The following TAP2 variants were observed in gnomAD, a reference collection of about 807,000 sequenced individuals.
The protein encoded by TAP2 is antigen peptide transporter 2.
A neutral mutation model predicts 74.7 loss-of-function variants in TAP2; 49 were observed. The observed-to-expected ratio is 0.66, with a 90% CI of 0.52 to 0.83. The LOEUF is 0.83. Ranked by LOEUF, TAP2 falls within the 40% of genes least tolerant of loss-of-function variation. TAP2 has a pLI of 0.00. For synonymous variants in TAP2, 306 were observed against 368.4 expected (o/e 0.83, Z 1.94); for missense variants, 739 against 859.0 (o/e 0.86, Z 1.75).
chr6:32,830,931 C>T (rs548762547), intron 7 of TAP2, 125 bp from the exon 8 acceptor site: 1 of 925,234 alleles, frequency 1.1e-6, no homozygotes, highest in Admixed American at 2.0e-5. Context: ...AGAGATTCTC[C>T]ACTTTTAAAT....
In TAP2 at chr6:32,828,330, G is replaced by A. The variant is rs1178467269; in HGVS notation, c.*576C>T. 6 of 985,382 alleles carry A rather than the reference G, an allele frequency of 6.1e-6. No individual in the cohort carries two copies. The highest frequency in any genetic ancestry group is 6.0e-6 in the Non-Finnish European group (5 of 830,046). 61.0% of individuals were successfully genotyped at this position (985,382 alleles called of 1,614,324 possible). ...CTGTTCTCTGTCCCTCCAGACCCTA[G>A]CTTCTTCAAAATAGCAGACACTGGT... is the stretch of plus-strand genomic sequence containing the variant. On this transcript the variant is annotated 3_prime_UTR_variant, in exon 12 of 12. Coordinates refer to ENST00000374897, the MANE Select transcript of TAP2 (RefSeq NM_001290043.2).
intron 11 of TAP2, 31 bp from the exon 12 acceptor site, chr6:32,829,065 A>C (rs756769845): frequency 6.5e-7 from 1 of 1,532,888 alleles, no homozygotes; most frequent in South Asian, 1.2e-5. Flanking sequence ...CCTCAGAAAG[A>C]CAGGAATGAG....
At chr6:32,822,420 A>G (rs1476649438), downstream of TAP2, 4 of 758,508 alleles carry the variant, frequency 5.3e-6, no homozygotes, top group Non-Finnish European at 8.6e-6. Context: ...TTGTGTCAGT[A>G]TAATAAGTAA....
In TAP2 at chr6:32,835,579, G is replaced by A. The variant is rs1042806591; in HGVS notation, c.739+64C>T. ...GTGAAGGCAGGAGGAGAGGCTGTGG[G>A]TGGAAGGTCACTGAGGGGCAAGGGA... On this transcript the variant is annotated intron_variant, in intron 4 of 11. Transcript: ENST00000374897. The surrounding 1 kb of genome is among the most constrained non-coding windows in gnomAD (Gnocchi z 4.0). 3 of 1,609,130 alleles carry A rather than the reference G, an allele frequency of 1.9e-6. No homozygotes were observed. The highest frequency in any genetic ancestry group is 2.5e-6 in the Non-Finnish European group (3 of 1,176,806).
rs1392662391 is a variant in TAP2 at position 32,830,756 on chromosome 6, C to G, written c.1323G>C (p.Glu441Asp). 5 of 1,612,902 alleles carry G rather than the reference C, an allele frequency of 3.1e-6. No homozygotes were observed. Among genetic ancestry groups the G allele is most frequent in the Non-Finnish European group, 4.2e-6 (5 of 1,179,972 alleles). Residue 441 changes from glutamate to aspartate, a missense_variant, in exon 8 of 12, where the codon GAG (glutamate) becomes GAC (aspartate). Coordinates refer to ENST00000374897, the MANE Select transcript of TAP2 (RefSeq NM_001290043.2). ...GTCGGTCCATGTAGGAGAAAACCTT[C>G]TCTGCAGCTCCCACGTTGCTGAGCA... ...GDMLSNVGAA[E>D]KVFSYMDRQP...
chr6:32,830,117 C>A, intron 9 of TAP2, 28 bp from the exon 10 acceptor site: 1 of 1,612,940 alleles, frequency 6.2e-7, no homozygotes, highest in South Asian at 1.1e-5. Context: ...GGGCAGAGGA[C>A]TATGTGTAAA....
rs1293313245 is a variant in TAP2 at position 32,828,692 on chromosome 6, C to T, written c.*214G>A. 9.9e-7 allele frequency: 1 copy of T among 1,011,710 alleles called. No homozygotes were observed. The highest frequency in any genetic ancestry group is 1.2e-6 in the Non-Finnish European group (1 of 843,724). The allele number at this position is 1,011,710 out of a possible 1,614,324, so 62.7% of individuals were successfully genotyped here. A position where few individuals can be genotyped will look rare whatever the true frequency, so the allele number is the denominator to read the frequency against. ...CACAGACAGCCCCCACCCCACCCCA[C>T]CCCACCTCTCTACCCCACCAAAAGC... On this transcript the variant is annotated 3_prime_UTR_variant, in exon 12 of 12. Transcript: ENST00000374897.
In TAP2 at chr6:32,828,679, C is replaced by CCACCA; in HGVS notation, c.*226_*227insTGGTG. 1.1e-6 allele frequency: 1 copy of CCACCA among 948,136 alleles called. No individual in the cohort carries two copies. The highest frequency in any genetic ancestry group is 1.3e-6 in the Non-Finnish European group (1 of 788,688). 58.7% of individuals were successfully genotyped at this position (948,136 alleles called of 1,614,324 possible). ...TAAGTTTCCTGGACACAGACAGCCC[C>CCACCA]CACCCCACCCCACCCCACCTCTCTA... On this transcript the variant is annotated 3_prime_UTR_variant, in exon 12 of 12. Transcript: ENST00000374897.
At chr6:32,829,614 G>A in intron 10 of TAP2, 78 bp from the exon 11 acceptor site, 1 of 1,600,876 alleles carries the variant, frequency 6.2e-7, no homozygotes, top group Non-Finnish European at 8.5e-7. Context: ...GTGCACAGCA[G>A]GTACTTCCAG....
intron 7 of TAP2, among the ~76,000 whole-genome samples, chr6:32,831,534 G>T (rs995374344): frequency 6.6e-6 from 1 of 152,032 alleles, no homozygotes; most frequent in African/African-American, 2.4e-5. Context: ...TACTGTTGCT[G>T]GAAAAAGACC....
At chr6:32,823,225 T>C (rs1409381091), downstream of TAP2, among the ~76,000 whole-genome samples, 2 of 152,144 alleles carry the variant, frequency 1.3e-5, no homozygotes, top group Non-Finnish European at 2.9e-5. Context: ...CAGCCTATTT[T>C]TTTGTCCACT....
downstream of TAP2, among the ~76,000 whole-genome samples, chr6:32,823,285 C>T (rs934242846): frequency 2.0e-5 from 3 of 152,134 alleles, no homozygotes; most frequent in African/African-American, 4.8e-5. Context: ...ATTGGTAGTA[C>T]ATTTCTGAAT....
In TAP2 at chr6:32,829,555, T is replaced by A. The variant is rs1476684467; in HGVS notation, c.1796-19A>T. On this transcript the variant is annotated intron_variant, in intron 10 of 11. Transcript: ENST00000374897. ...CCTACATCTGAGGAAATCAGAGAAA[T>A]TCCCTTCCTCAGATACAAGTGACAC... 1.2e-6 allele frequency: 2 copies of A among 1,613,628 alleles called. No individual in the cohort carries two copies. Among genetic ancestry groups the A allele is most frequent in the African/African-American group, 2.7e-5 (2 of 74,892 alleles).
At chr6:32,830,206 C>A (rs1335865918) in intron 9 of TAP2, 61 bp downstream of exon 9, 1 of 1,612,688 alleles carries the variant, frequency 6.2e-7, no homozygotes. Flanking sequence ...CCGTGGATCT[C>A]CCATCCTCTC....
Position 32,827,376 on chromosome 6 carries a change from C to T in TAP2, c.*1530G>A, listed in dbSNP as rs978536688. The T allele has an allele frequency of 1.2e-5, 12 of 971,580 alleles. No homozygotes were observed. The highest frequency in any genetic ancestry group is 7.0e-5 in the African/African-American group (4 of 56,844). The allele number at this position is 971,580 out of a possible 1,614,324, so 60.2% of individuals were successfully genotyped here. A position where few individuals can be genotyped will look rare whatever the true frequency, so the allele number is the denominator to read the frequency against. On this transcript the variant is annotated 3_prime_UTR_variant, in exon 12 of 12. Coordinates refer to ENST00000374897, the MANE Select transcript of TAP2 (RefSeq NM_001290043.2). ...TATTCTCCACTATGAATTAGGCCCTCGGCCAGGTAGCAGATATAAAGCTTA... is the reference window on the plus strand; with the variant it reads ...TATTCTCCACTATGAATTAGGCCCTTGGCCAGGTAGCAGATATAAAGCTTA...
At position 32,828,686 on chromosome 6, in the gene TAP2, A is replaced by ACCACCC; in HGVS notation, c.*219_*220insGGGTGG. On this transcript the variant is annotated 3_prime_UTR_variant, in exon 12 of 12. Coordinates refer to ENST00000374897, the MANE Select transcript of TAP2 (RefSeq NM_001290043.2). ...CCTGGACACAGACAGCCCCCACCCC[A>ACCACCC]CCCCACCCCACCTCTCTACCCCACC... 1.7e-6 allele frequency: 1 copy of ACCACCC among 579,356 alleles called. No homozygotes were observed. The highest frequency in any genetic ancestry group is 2.0e-6 in the Non-Finnish European group (1 of 493,746). The allele number at this position is 579,356 out of a possible 1,614,324, so 35.9% of individuals were successfully genotyped here. A position where few individuals can be genotyped will look rare whatever the true frequency, so the allele number is the denominator to read the frequency against.
Position 32,828,691 on chromosome 6 carries a change from A to ACCCCCCCCCCC in TAP2, c.*214_*215insGGGGGGGGGGG. The ACCCCCCCCCCC allele has an allele frequency of 3.3e-6, 2 of 601,274 alleles. No individual in the cohort carries two copies. The highest frequency in any genetic ancestry group is 3.9e-6 in the Non-Finnish European group (2 of 510,142). The allele number at this position is 601,274 out of a possible 1,614,324, so 37.2% of individuals were successfully genotyped here. Reference sequence around the variant, plus strand: ...ACACAGACAGCCCCCACCCCACCCCACCCCACCTCTCTACCCCACCAAAAG... The same window carrying ACCCCCCCCCCC: ...ACACAGACAGCCCCCACCCCACCCCACCCCCCCCCCCCCCCACCTCTCTACCCCACCAAAAG... On this transcript the variant is annotated 3_prime_UTR_variant, in exon 12 of 12. Coordinates refer to ENST00000374897, the MANE Select transcript of TAP2 (RefSeq NM_001290043.2).
Position 32,828,681 on chromosome 6 carries a change from A to ACCCCACCCCCCCCCACCC in TAP2, c.*224_*225insGGGTGGGGGGGGGTGGGG. 1 of 606,174 alleles carries ACCCCACCCCCCCCCACCC rather than the reference A, an allele frequency of 1.6e-6. No individual in the cohort carries two copies. The highest frequency in any genetic ancestry group is 2.0e-6 in the Non-Finnish European group (1 of 497,976). The allele number at this position is 606,174 out of a possible 1,614,324, so 37.5% of individuals were successfully genotyped here. A position where few individuals can be genotyped will look rare whatever the true frequency, so the allele number is the denominator to read the frequency against. On this transcript the variant is annotated 3_prime_UTR_variant, in exon 12 of 12. Coordinates refer to ENST00000374897, the MANE Select transcript of TAP2 (RefSeq NM_001290043.2). ...AGTTTCCTGGACACAGACAGCCCCC[A>ACCCCACCCCCCCCCACCC]CCCCACCCCACCCCACCTCTCTACC... is the stretch of plus-strand genomic sequence containing the variant.
chr6:32,830,915 C>A, intron 7 of TAP2, 109 bp from the exon 8 acceptor site: 2 of 981,516 alleles, frequency 2.0e-6, no homozygotes, highest in Non-Finnish European at 1.6e-6. Flanking sequence ...CTCCTCCATA[C>A]TCAAAAGAGA....
Sources: allele counts gnomAD v4.1 joint callset (sites outside exome capture counted in the v4.1 genomes callset), GRCh38; gene constraint gnomAD v4.1.1; non-coding constraint Gnocchi (gnomAD v3.1); transcripts MANE v1.5; gene names NCBI Gene and HGNC (gene_info 2026-07-23, HGNC 2026-07-21).